The following SEC24B variants were observed in gnomAD, a reference collection of about 807,000 sequenced individuals.
SEC24B encodes the protein protein transport protein Sec24B.
Under a neutral mutation model 142.8 loss-of-function variants are expected in SEC24B, and 45 were observed. The ratio of observed to expected loss-of-function variants is 0.32; its 90% CI spans 0.25 to 0.40. SEC24B has a LOEUF of 0.40. Ranked by LOEUF, SEC24B falls within the 10% of genes least tolerant of loss-of-function variation. The pLI is 1.00. For synonymous variants in SEC24B, 574 were observed against 568.2 expected (o/e 1.01, Z -0.15); for missense variants, 1,409 against 1,526.8 (o/e 0.92, Z 1.29).
chr4:109,457,957 T>C (rs368961839), intron 1 of SEC24B, among the ~76,000 whole-genome samples: 4 of 152,308 alleles, frequency 2.6e-5, no homozygotes, highest in East Asian at 1.9e-4. Flanking sequence ...TTTCACAGGA[T>C]TGGGGGGATT....
chr4:109,529,433 A>G (rs907774451), intron 18 of SEC24B, among the ~76,000 whole-genome samples: 1 of 152,082 alleles, frequency 6.6e-6, no homozygotes, highest in Non-Finnish European at 1.5e-5. Context: ...TTGGGCATAT[A>G]TATTATAGGT....
rs35283007 is a variant in SEC24B at position 109,512,126 on chromosome 4, G to GTT, written c.1903+53_1903+54dup. 11,960 of 1,305,036 alleles carry GTT rather than the reference G, an allele frequency of 9.2e-3. 33 individuals are homozygous for GTT. Among genetic ancestry groups the GTT allele is most frequent in the African/African-American group, 0.039 (2,543 of 65,364 alleles). 80.8% of individuals were successfully genotyped at this position (1,305,036 alleles called of 1,614,324 possible). A position where few individuals can be genotyped will look rare whatever the true frequency, so the allele number is the denominator to read the frequency against. ...AATTGTGTTTTAATCCTATTTTCAGGTTTTTTTTTTTGAGATTTTTGTCAT... is the reference window on the plus strand; with the variant it reads ...AATTGTGTTTTAATCCTATTTTCAGGTTTTTTTTTTTTTGAGATTTTTGTCAT... On this transcript the variant is annotated intron_variant, in intron 9 of 23. Coordinates refer to ENST00000265175, the MANE Select transcript of SEC24B (RefSeq NM_006323.5).
chr4:109,457,476 G>A (rs911391944), intron 1 of SEC24B, among the ~76,000 whole-genome samples: 10 of 152,212 alleles, frequency 6.6e-5, no homozygotes, highest in South Asian at 2.1e-4. Flanking sequence ...AAAACATCAC[G>A]TGGCAGAAGG....
chr4:109,520,525 T>G lies in SEC24B; in HGVS notation c.2245+41T>G, dbSNP rs377042690. ...AATAAAAGCCTTTCTAACTACGGAC[T>G]TTGAAATGGGGGCTACTTTATTTTA... On this transcript the variant is annotated intron_variant, in intron 12 of 23. Transcript: ENST00000265175. The G allele has an allele frequency of 1.0e-5, 12 of 1,166,400 alleles. No individual in the cohort carries two copies. The African/African-American group carries it at 1.7e-4, about 16-fold the overall frequency. The allele number at this position is 1,166,400 out of a possible 1,614,324, so 72.3% of individuals were successfully genotyped here. A position where few individuals can be genotyped will look rare whatever the true frequency, so the allele number is the denominator to read the frequency against.
chr4:109,452,697 T>C (rs1730230977), intron 1 of SEC24B, among the ~76,000 whole-genome samples: 1 of 152,248 alleles, frequency 6.6e-6, no homozygotes, highest in Non-Finnish European at 1.5e-5. Context: ...TTTGTGGTGA[T>C]TATCTTTTCA....
Position 109,540,592 on chromosome 4 carries a change from T to C in SEC24B, c.*917T>C, listed in dbSNP as rs1726074436. 1 of 152,086 alleles carries C rather than the reference T, an allele frequency of 6.6e-6. No individual in the cohort carries two copies. Among genetic ancestry groups the C allele is most frequent in the Non-Finnish European group, 1.5e-5 (1 of 68,016 alleles). 9.4% of individuals were successfully genotyped at this position (152,086 alleles called of 1,614,324 possible). A position where few individuals can be genotyped will look rare whatever the true frequency, so the allele number is the denominator to read the frequency against. On this transcript the variant is annotated 3_prime_UTR_variant, in exon 24 of 24. Coordinates refer to ENST00000265175, the MANE Select transcript of SEC24B (RefSeq NM_006323.5). ...ATACTGCATTTCAGTTAGTAATATA[T>C]ATGAATCAGGCCAGGCGCGGTGGCT...
chr4:109,476,942 C>T (rs1733219084), intron 3 of SEC24B, among the ~76,000 whole-genome samples: 1 of 151,516 alleles, frequency 6.6e-6, no homozygotes, highest in African/African-American at 2.4e-5. Context: ...TCGAGACCAT[C>T]CCGGCTAAAA....
Position 109,463,383 on chromosome 4 carries a change from A to G in SEC24B, c.616A>G (p.Thr206Ala), listed in dbSNP as rs367617863. Residue 206 changes from threonine to alanine, a missense_variant, in exon 2 of 24, where the codon ACA (threonine) becomes GCA (alanine). Physicochemically the swap from Thr to Ala is moderately conservative, Grantham distance 58. Coordinates refer to ENST00000265175, the MANE Select transcript of SEC24B (RefSeq NM_006323.5). Reference protein sequence around the residue: ...VSYPSLPAGDTYGQMFTSQNA... With the variant: ...VSYPSLPAGDAYGQMFTSQNA... ...ATATCCCTCTCTGCCTGCTGGTGAT[A>G]CATATGGGCAAATGTTTACCTCACA... 2.0e-5 allele frequency: 32 copies of G among 1,614,032 alleles called. No homozygotes were observed. Among genetic ancestry groups the G allele is most frequent in the Admixed American group, 3.3e-5 (2 of 60,004 alleles).
At chr4:109,529,139 G>A (rs755092823) in intron 18 of SEC24B, among the ~76,000 whole-genome samples, 4 of 151,776 alleles carry the variant, frequency 2.6e-5, no homozygotes, top group Non-Finnish European at 5.9e-5. Context: ...CTCCAGCCTG[G>A]GAAACAGAGG....
chr4:109,503,654 C>T (rs1329809935), intron 6 of SEC24B, among the ~76,000 whole-genome samples: 1 of 152,180 alleles, frequency 6.6e-6, no homozygotes, highest in Non-Finnish European at 1.5e-5. Context: ...GCCACTGCGC[C>T]TGGCCTCATT....
Position 109,520,370 on chromosome 4 carries a change from C to G in SEC24B, c.2131C>G (p.Pro711Ala). The change falls in exon 12 of 24, where the codon CCT becomes GCT. Residue 711 changes from proline (P) to alanine (A), a missense_variant. By Grantham distance (27) the Pro-to-Ala change is conservative (BLOSUM62 -1). Around this residue, in one of 2 missense-constraint regions of SEC24B, gnomAD observed 700 missense variants for 853.3 expected, o/e 0.82. Coordinates refer to ENST00000265175, the MANE Select transcript of SEC24B (RefSeq NM_006323.5). ...QSLLENLDKL[P>A]GDSRTRIGFM... Reference sequence around the variant, plus strand: ...AATTGTCATTTTTATCTTTAGGCTTCCTGGAGATTCACGAACAAGAATAGG... The same window carrying G: ...AATTGTCATTTTTATCTTTAGGCTTGCTGGAGATTCACGAACAAGAATAGG... 6.3e-7 allele frequency: 1 copy of G among 1,587,206 alleles called. No homozygotes were observed. Among genetic ancestry groups the G allele is most frequent in the Non-Finnish European group, 8.6e-7 (1 of 1,159,544 alleles).
At chr4:109,472,405 T>C (rs1732614485) in intron 2 of SEC24B, among the ~76,000 whole-genome samples, 1 of 152,204 alleles carries the variant, frequency 6.6e-6, no homozygotes, top group African/African-American at 2.4e-5. Flanking sequence ...TGATGAGTCA[T>C]GCACTTTATT....
At chr4:109,470,820 A>C (rs1027257973) in intron 2 of SEC24B, among the ~76,000 whole-genome samples, 2 of 152,238 alleles carry the variant, frequency 1.3e-5, no homozygotes, top group Non-Finnish European at 2.9e-5. Context: ...GGAATGTAGC[A>C]CAGGAAATAT....
chr4:109,521,711 G>A, intron 14 of SEC24B, 85 bp downstream of exon 14: 1 of 1,055,876 alleles, frequency 9.5e-7, no homozygotes, highest in Non-Finnish European at 1.4e-6. Context: ...ATACTGGCAA[G>A]AGAGTTGGGT....
intron 4 of SEC24B, among the ~76,000 whole-genome samples, chr4:109,483,585 A>G (rs1734045495): frequency 6.6e-6 from 1 of 152,190 alleles, no homozygotes; most frequent in Non-Finnish European, 1.5e-5. Flanking sequence ...TGATCTTTCA[A>G]GTTATTATAT....
At chr4:109,454,765 C>G (rs1270654206) in intron 1 of SEC24B, among the ~76,000 whole-genome samples, 1 of 152,162 alleles carries the variant, frequency 6.6e-6, no homozygotes, top group African/African-American at 2.4e-5. Context: ...AAATATTATT[C>G]TAACTTTCCC....
chr4:109,531,574 C>G (rs748810324), intron 20 of SEC24B, 52 bp downstream of exon 20: 4 of 1,362,352 alleles, frequency 2.9e-6, no homozygotes, highest in Non-Finnish European at 4.2e-6. Flanking sequence ...ATTTGAGTGT[C>G]TTGTTCTACA....
In SEC24B at chr4:109,525,456, A is replaced by G; in HGVS notation, c.2743A>G (p.Thr915Ala). ...ACAAAAAGACCTAAAACGGTATCTCACAAGAAAAATTGGGTTTGAAGCTGT... is the reference window on the plus strand; with the variant it reads ...ACAAAAAGACCTAAAACGGTATCTCGCAAGAAAAATTGGGTTTGAAGCTGT... ...KLQKDLKRYLTRKIGFEAVMR... is the reference protein window; with the variant it reads ...KLQKDLKRYLARKIGFEAVMR... Residue 915 changes from threonine (T) to alanine (A), a missense_variant, in exon 16 of 24, where the codon ACA (threonine) becomes GCA (alanine). Around this residue, in one of 2 missense-constraint regions of SEC24B, gnomAD observed 700 missense variants for 853.3 expected, o/e 0.82. Coordinates refer to ENST00000265175, the MANE Select transcript of SEC24B (RefSeq NM_006323.5). The G allele has an allele frequency of 6.2e-7, 1 of 1,610,978 alleles. No individual in the cohort carries two copies. The highest frequency in any genetic ancestry group is 8.5e-7 in the Non-Finnish European group (1 of 1,177,938).
chr4:109,521,580 G>A lies in SEC24B; in HGVS notation c.2462G>A (p.Gly821Glu). The A allele has an allele frequency of 1.2e-6, 2 of 1,613,942 alleles. No homozygotes were observed. Among genetic ancestry groups the A allele is most frequent in the Non-Finnish European group, 1.7e-6 (2 of 1,179,932 alleles). The change falls in exon 14 of 24, where the codon GGA (glycine) becomes GAA (glutamate). Residue 821 changes from glycine (G) to glutamate (E), a missense_variant. By Grantham distance (98) the Gly-to-Glu change is moderately conservative (BLOSUM62 -2). Coordinates refer to ENST00000265175, the MANE Select transcript of SEC24B (RefSeq NM_006323.5). ...ACACAGTTACCTTCCTTGGGTGCAG[G>A]ACTTCTGCAATCCAGAGAAGATCCT... ...FQTQLPSLGA[G>E]LLQSREDPNQ...
Sources: gnomAD v4.1 joint callset for allele counts (sites outside exome capture counted in the v4.1 genomes callset) on GRCh38, gnomAD v4.1.1 for gene constraint, gnomAD v4.1.1 regional missense constraint, MANE v1.5 for transcripts, NCBI Gene and HGNC (gene_info 2026-07-23, HGNC 2026-07-21) for gene names.